Variants in TRDN observed in about 807,000 individuals in gnomAD.
TRDN encodes triadin.
TRDN carries 161 observed loss-of-function variants against 149.7 expected under a neutral mutation model. The observed-to-expected ratio is 1.08, with a 90% confidence interval of 0.95 to 1.23. TRDN has a LOEUF of 1.23. Ranked by LOEUF, TRDN falls within the 50% of genes most tolerant of loss-of-function variation. The probability of loss-of-function intolerance (pLI) is 0.00; values close to 1 mark genes in which losing one functional copy is unlikely to be tolerated. For synonymous variants in TRDN, 294 were observed against 250.5 expected, an observed-to-expected ratio of 1.17 and a Z score of -1.64; for missense variants, 896 against 823.5, an observed-to-expected ratio of 1.09 and a Z score of -1.08.
At chr6:123,325,940 A>G (rs1779435929) in intron 23 of TRDN, among the ~76,000 whole-genome samples, 1 of 152,126 alleles carries the variant, frequency 6.6e-6, no homozygotes, top group South Asian at 2.1e-4. Flanking sequence ...AATAGTGCTT[A>G]TAGAAACAAC....
At chr6:123,229,910 A>C (rs1240424356) in intron 38 of TRDN, among the ~76,000 whole-genome samples, 1 of 151,966 alleles carries the variant, frequency 6.6e-6, no homozygotes, top group Admixed American at 6.6e-5. Flanking sequence ...CATTCTCAGC[A>C]AGCAATCTTA....
chr6:123,494,980 C>T (rs184031368), intron 9 of TRDN, among the ~76,000 whole-genome samples: 2 of 151,956 alleles, frequency 1.3e-5, no homozygotes, highest in Non-Finnish European at 2.9e-5. Context: ...GTGATCCGCC[C>T]GCCTCAGCCT....
intron 26 of TRDN, among the ~76,000 whole-genome samples, chr6:123,276,767 A>G (rs1777381431): frequency 1.3e-5 from 2 of 152,198 alleles, no homozygotes; most frequent in South Asian, 4.1e-4. Flanking sequence ...CAGGTTTTCG[A>G]GAATTTTAAA....
chr6:123,218,644 G>C lies in TRDN; in HGVS notation c.2147C>G (p.Ser716Cys), dbSNP rs1775027410. The change falls in exon 41 of 41, where the codon TCT (serine) becomes TGT (cysteine). Residue 716 changes from serine to cysteine, a missense_variant. Ser to Cys is a moderately radical substitution (Grantham distance 112). Transcript: ENST00000334268. ...FTPADRPGES[S>C]GQANSPGQKQ... is the part of the protein sequence containing the mutation. Reference sequence around the variant, plus strand: ...CTGTCCTGGAGAATTTGCTTGACCAGAGCTCTCTCCAGGGCGGTCTGCAGG... The same window carrying C: ...CTGTCCTGGAGAATTTGCTTGACCACAGCTCTCTCCAGGGCGGTCTGCAGG... 1 of 1,611,380 alleles carries C rather than the reference G, an allele frequency of 6.2e-7. No homozygotes were observed. The highest frequency in any genetic ancestry group is 1.7e-5 in the Admixed American group (1 of 59,736).
rs562186241 is a variant in TRDN at position 123,606,028 on chromosome 6, A to G, written c.22+30726T>C. On this transcript the variant is annotated intron_variant, in intron 1 of 40. Coordinates refer to ENST00000334268, the MANE Select transcript of TRDN (RefSeq NM_006073.4). ...ATCCTTTCAAATGTGTGCTCATTCA[A>G]TGTTACCAAACTGAAGTTTATCTCC... Among the ~76,000 whole-genome samples the G allele has an allele frequency of 2.3e-4, 35 of 152,272 alleles. No individual in the cohort carries two copies. In the South Asian group the frequency reaches 6.4e-3, roughly 28 times the overall value.
At chr6:123,292,509 G>C (rs72974603) in intron 24 of TRDN, among the ~76,000 whole-genome samples, 36 of 152,110 alleles carry the variant, frequency 2.4e-4, no homozygotes, top group African/African-American at 8.7e-4. Context: ...GGTTCAAAAG[G>C]CTTTCCACTA....
chr6:123,625,070 T>A (rs1033466882), intron 1 of TRDN, among the ~76,000 whole-genome samples: 2 of 150,882 alleles, frequency 1.3e-5, no homozygotes, highest in African/African-American at 4.9e-5. Context: ...CTGTCTCTTT[T>A]TTTTTTTTTT....
At chr6:123,378,437 G>C (rs1012683428) in intron 16 of TRDN, among the ~76,000 whole-genome samples, 1 of 149,006 alleles carries the variant, frequency 6.7e-6, no homozygotes, top group Admixed American at 6.8e-5. Context: ...ACACCACCAT[G>C]TGTAGCCAGA....
chr6:123,568,488 A>T (rs970282622), intron 2 of TRDN, among the ~76,000 whole-genome samples: 1 of 152,226 alleles, frequency 6.6e-6, no homozygotes, highest in Non-Finnish European at 1.5e-5. Context: ...GGGCTCTGCC[A>T]CTGCAACAAG....
At chr6:123,439,139 T>C (rs1774741511) in intron 10 of TRDN, 136 bp from the exon 11 acceptor site, 3 of 630,578 alleles carry the variant, frequency 4.8e-6, no homozygotes, top group African/African-American at 1.8e-5. Context: ...TTAATCCCAC[T>C]AAGTCTTATT....
At chr6:123,225,760 CTT>C (rs1331326150) in intron 38 of TRDN, among the ~76,000 whole-genome samples, 6 of 151,700 alleles carry the variant, frequency 4.0e-5, no homozygotes, top group Admixed American at 3.3e-4. Flanking sequence ...CACAATGACT[CTT>C]AAGTTGTATT....
intron 38 of TRDN, among the ~76,000 whole-genome samples, chr6:123,230,141 G>A (rs1034743597): frequency 1.3e-5 from 2 of 151,858 alleles, no homozygotes; most frequent in Non-Finnish European, 2.9e-5. Flanking sequence ...CAACCCAAAT[G>A]TTCATCAGTG....
rs78480713 is a variant in TRDN at position 123,282,249 on chromosome 6, T to C, written c.1511-3167A>G. ...TATAGTTCTACATATATAAGTTCTATATATACATTCTATAAGTCTATATAG... is the reference window on the plus strand; with the variant it reads ...TATAGTTCTACATATATAAGTTCTACATATACATTCTATAAGTCTATATAG... On this transcript the variant is annotated intron_variant, in intron 24 of 40. Coordinates refer to ENST00000334268, the MANE Select transcript of TRDN (RefSeq NM_006073.4). Among the ~76,000 whole-genome samples the C allele has an allele frequency of 1.2e-3, 181 of 152,072 alleles. 3 individuals carry two copies. The East Asian group carries it at 0.028, about 24-fold the overall frequency.
At chr6:123,624,597 A>G (rs1785555854) in intron 1 of TRDN, among the ~76,000 whole-genome samples, 1 of 152,166 alleles carries the variant, frequency 6.6e-6, no homozygotes, top group Non-Finnish European at 1.5e-5. Context: ...TCTTGACAAG[A>G]CCACTGGCCT....
intron 1 of TRDN, among the ~76,000 whole-genome samples, chr6:123,576,297 T>C (rs1782855038): frequency 1.3e-5 from 2 of 152,098 alleles, no homozygotes. Context: ...TTACCAATTC[T>C]AGTGTTTACA....
Position 123,218,377 on chromosome 6 carries a change from C to A in TRDN, c.*224G>T. The stretch of plus-strand genomic sequence containing the variant: ...TAAGATAAATACAAGCACCCCCTCC[C>A]ACCGCAGCAAACACACATAACAGAT... On this transcript the variant is annotated 3_prime_UTR_variant, in exon 41 of 41. Transcript: ENST00000334268. 2.3e-6 allele frequency: 1 copy of A among 442,358 alleles called. No homozygotes were observed. The highest frequency in any genetic ancestry group is 4.0e-6 in the Non-Finnish European group (1 of 248,922). 27.4% of individuals were successfully genotyped at this position (442,358 alleles called of 1,614,324 possible).
chr6:123,420,026 T>C (rs1024990365), intron 12 of TRDN, among the ~76,000 whole-genome samples: 4 of 152,182 alleles, frequency 2.6e-5, no homozygotes, highest in Non-Finnish European at 5.9e-5. Context: ...AAAGTGAATA[T>C]TGACACAAAT....
chr6:123,509,330 G>T (rs1779066772), intron 7 of TRDN: 1 of 152,006 alleles, frequency 6.6e-6, no homozygotes. Context: ...TTCAATATGG[G>T]TTGCCCTAGG....
intron 4 of TRDN, among the ~76,000 whole-genome samples, chr6:123,542,572 C>T (rs893120055): frequency 4.6e-5 from 7 of 151,844 alleles, no homozygotes. Context: ...TTCTTATATA[C>T]AGATATATTA....
Sources: gnomAD v4.1 joint callset for allele counts (sites outside exome capture counted in the v4.1 genomes callset) on GRCh38, gnomAD v4.1.1 for gene constraint, MANE v1.5 for transcripts, NCBI Gene and HGNC (gene_info 2026-07-23, HGNC 2026-07-21) for gene names.